The following RALA variants were observed in gnomAD, a reference collection of about 807,000 sequenced individuals.
RALA encodes ras-related protein Ral-A.
A neutral mutation model predicts 24.0 loss-of-function variants in RALA; 5 were observed. The ratio of observed to expected loss-of-function variants is 0.21; its 90% CI spans 0.11 to 0.44. The LOEUF (loss-of-function observed/expected upper bound fraction) is 0.44. Among genes scored for constraint, RALA ranks in the 20% least tolerant of loss-of-function variants. RALA has a pLI of 0.99. For synonymous variants in RALA, 77 were observed against 83.8 expected (o/e 0.92, Z 0.44); for missense variants, 95 against 241.2 (o/e 0.39, Z 4.01).
intron 1 of RALA, among the ~76,000 whole-genome samples, chr7:39,639,358 C>T (rs1791740597): frequency 6.6e-6 from 1 of 152,138 alleles, no homozygotes; most frequent in South Asian, 2.1e-4. Context: ...AAGAAGAAAT[C>T]TTTACAAAGT....
At chr7:39,645,121 A>G (rs571925308) in intron 1 of RALA, among the ~76,000 whole-genome samples, 8 of 152,212 alleles carry the variant, frequency 5.3e-5, no homozygotes, top group Admixed American at 6.5e-5. Flanking sequence ...TAAAATATTG[A>G]GACTATAATT....
chr7:39,664,899 G>C (rs1792256838), intron 1 of RALA, among the ~76,000 whole-genome samples: 1 of 152,048 alleles, frequency 6.6e-6, no homozygotes, highest in African/African-American at 2.4e-5. Context: ...AGGAGTCCTA[G>C]AAGAAGCAAA....
intron 3 of RALA, among the ~76,000 whole-genome samples, chr7:39,692,522 T>G (rs988002112): frequency 2.6e-5 from 4 of 152,314 alleles, no homozygotes; most frequent in African/African-American, 9.6e-5. Context: ...AAAGGGAGTA[T>G]TATATTAAGC....
At chr7:39,636,437 G>A (rs917077) in intron 1 of RALA, among the ~76,000 whole-genome samples, 105,766 of 152,036 alleles carry the variant, frequency 0.7, 37,395 homozygotes, top group African/African-American at 0.82. Context: ...TTCATCTGCT[G>A]GGATACTTTG....
intron 2 of RALA, among the ~76,000 whole-genome samples, chr7:39,689,475 C>G (rs1281467298): frequency 6.6e-6 from 1 of 152,136 alleles, no homozygotes; most frequent in Non-Finnish European, 1.5e-5. Context: ...ATAGCATATG[C>G]AAGGTCCCTG....
chr7:39,643,961 C>G (rs7785049), intron 1 of RALA, among the ~76,000 whole-genome samples: 105,783 of 152,074 alleles, frequency 0.7, 37,398 homozygotes, highest in African/African-American at 0.82. Flanking sequence ...AAGGAATACT[C>G]CCCTGAATTC....
intron 1 of RALA, among the ~76,000 whole-genome samples, chr7:39,625,484 G>A (rs1310731745): frequency 6.6e-6 from 1 of 152,170 alleles, no homozygotes; most frequent in Non-Finnish European, 1.5e-5. Context: ...TTTGGATAAC[G>A]TGGTGCTTCC....
chr7:39,698,268 G>C (rs951430490), intron 4 of RALA, among the ~76,000 whole-genome samples: 1 of 152,144 alleles, frequency 6.6e-6, no homozygotes, highest in Non-Finnish European at 1.5e-5. Flanking sequence ...TCGGGTTTCA[G>C]TATATGAATT....
chr7:39,698,600 A>G (rs960111527), intron 4 of RALA, among the ~76,000 whole-genome samples: 2 of 152,214 alleles, frequency 1.3e-5, no homozygotes, highest in African/African-American at 4.8e-5. Context: ...GCAACGTTGA[A>G]CATTCTCATA....
At chr7:39,628,906 C>T (rs1477478948) in intron 1 of RALA, among the ~76,000 whole-genome samples, 1 of 152,160 alleles carries the variant, frequency 6.6e-6, no homozygotes, top group East Asian at 1.9e-4. Context: ...GTATGTATCT[C>T]CTAACAAGTC....
chr7:39,626,803 C>CT (rs1260059433), intron 1 of RALA, among the ~76,000 whole-genome samples: 1 of 152,056 alleles, frequency 6.6e-6, no homozygotes, highest in Non-Finnish European at 1.5e-5. Flanking sequence ...TTAGTTCGTT[C>CT]TTTCACTAAT....
At chr7:39,636,600 T>G (rs557042138) in intron 1 of RALA, among the ~76,000 whole-genome samples, 3 of 152,350 alleles carry the variant, frequency 2.0e-5, no homozygotes, top group Non-Finnish European at 1.5e-5. Flanking sequence ...CAGGTGGACT[T>G]TCTTTTTGAT....
intron 4 of RALA, among the ~76,000 whole-genome samples, chr7:39,699,837 C>T (rs1792991648): frequency 6.6e-6 from 1 of 152,140 alleles, no homozygotes; most frequent in Non-Finnish European, 1.5e-5. Flanking sequence ...AACTTTTTGC[C>T]ATATTCATGG....
At chr7:39,684,246 G>A (rs10486803) in intron 1 of RALA, among the ~76,000 whole-genome samples, 47,428 of 151,936 alleles carry the variant, frequency 0.31, 8,166 homozygotes, top group Non-Finnish European at 0.4. Context: ...TTTGCCATAC[G>A]CTTAACAGTT....
intron 1 of RALA, among the ~76,000 whole-genome samples, chr7:39,668,642 AC>A (rs1277633560): frequency 6.6e-6 from 1 of 152,054 alleles, no homozygotes; most frequent in Non-Finnish European, 1.5e-5. Flanking sequence ...TACTAAAAAT[AC>A]AAAAATCAGC....
intron 1 of RALA, among the ~76,000 whole-genome samples, chr7:39,657,742 C>G (rs1172955187): frequency 6.9e-6 from 1 of 145,272 alleles, no homozygotes; most frequent in Non-Finnish European, 1.5e-5. Flanking sequence ...GGCAACACAG[C>G]AAGAGCCTGT....
At chr7:39,646,055 G>A (rs746196311) in intron 1 of RALA, among the ~76,000 whole-genome samples, 5 of 152,164 alleles carry the variant, frequency 3.3e-5, no homozygotes, top group African/African-American at 4.8e-5. Context: ...TCTGGTGAAA[G>A]GCTATTTTAA....
chr7:39,659,009 A>T (rs1381998597), intron 1 of RALA, among the ~76,000 whole-genome samples: 4 of 152,114 alleles, frequency 2.6e-5, no homozygotes, highest in Non-Finnish European at 5.9e-5. Flanking sequence ...ACCGGGTGTG[A>T]TGTCTCATAC....
chr7:39,666,892 G>A (rs1174046253), intron 1 of RALA, among the ~76,000 whole-genome samples: 1 of 152,148 alleles, frequency 6.6e-6, no homozygotes, highest in Non-Finnish European at 1.5e-5. Flanking sequence ...TCAAGGCTTT[G>A]ATCAATACAT....
Sources: allele counts gnomAD v4.1 joint callset (sites outside exome capture counted in the v4.1 genomes callset), GRCh38; gene constraint gnomAD v4.1.1; transcripts MANE v1.5; gene names NCBI Gene and HGNC (gene_info 2026-07-23, HGNC 2026-07-21).